PVT1: variants seen among roughly 807,000 people sequenced by gnomAD.
PVT1 encodes Pvt1 oncogene, also known as CXCR4/PVT1 fusion.
At chr8:127,956,456 G>A (rs1286275717) in intron 3 of PVT1, among the ~76,000 whole-genome samples, 1 of 152,232 alleles carries the variant, frequency 6.6e-6, no homozygotes, top group Non-Finnish European at 1.5e-5. Context: ...ACACAGCTCT[G>A]CAGTTTAATT....
rs1180206948 is a variant in PVT1 at position 127,963,569 on chromosome 8, C to T, written n.783-25593C>T. 3.9e-5 allele frequency among the ~76,000 whole-genome samples: 6 copies of T among 152,158 alleles called. No homozygotes were observed. The South Asian group carries it at 1.2e-3, about 32-fold the overall frequency. ...CTTTTCCATAGAAAGGCAGCACCCC[C>T]CACCCCCCTCCACCCTTTTTTTGAA... On this transcript the variant is annotated intron_variant and non_coding_transcript_variant, in intron 3 of 10. Transcript: ENST00000651587.
At chr8:127,982,484 C>A (rs1472242375) in intron 3 of PVT1, among the ~76,000 whole-genome samples, 1 of 152,022 alleles carries the variant, frequency 6.6e-6, no homozygotes, top group East Asian at 1.9e-4. Flanking sequence ...TCACAGGTAA[C>A]TTTGTCAATT....
intron 2 of PVT1, among the ~76,000 whole-genome samples, chr8:127,878,242 CTCT>C (rs1815427834): frequency 6.6e-6 from 1 of 152,010 alleles, no homozygotes; most frequent in South Asian, 2.1e-4. Context: ...GTGTTCATGA[CTCT>C]TCTTCGTCAT....
Position 127,931,781 on chromosome 8 carries a change from C to G in PVT1, n.782+40783C>G, listed in dbSNP as rs6988726. ...GAACTCCCGTCCAGACCTCTGTCCA[C>G]CACCCTAATAAAGCCAGTGTTTACA... On this transcript the variant is annotated intron_variant and non_coding_transcript_variant, in intron 3 of 10. Coordinates refer to ENST00000651587, the Ensembl canonical transcript of PVT1. Among the ~76,000 whole-genome samples the G allele has an allele frequency of 2.5e-3, 388 of 152,380 alleles. 3 individuals carry two copies. The highest frequency in any genetic ancestry group is 9.0e-3 in the African/African-American group (375 of 41,598).
intron 2 of PVT1, among the ~76,000 whole-genome samples, chr8:127,819,264 C>T (rs957343878): frequency 1.3e-5 from 2 of 152,138 alleles, no homozygotes; most frequent in Non-Finnish European, 2.9e-5. Flanking sequence ...AGTGTGAGCC[C>T]CATGTCTGCA....
At chr8:128,013,352 G>A (rs555525248) in intron 4 of PVT1, among the ~76,000 whole-genome samples, 2 of 151,632 alleles carry the variant, frequency 1.3e-5, no homozygotes, top group South Asian at 4.2e-4. Context: ...CTGCATGTGT[G>A]TGAGTGTATA....
intron 5 of PVT1, among the ~76,000 whole-genome samples, chr8:128,094,151 CAG>C (rs1268079174): frequency 2.0e-5 from 3 of 152,156 alleles, no homozygotes; most frequent in East Asian, 1.9e-4. Context: ...TCTTCTAAAA[CAG>C]GGGTCAGCAA....
intron 3 of PVT1, among the ~76,000 whole-genome samples, chr8:127,903,417 C>T (rs146794211): frequency 4.1e-4 from 62 of 152,292 alleles, no homozygotes; most frequent in African/African-American, 1.4e-3. Flanking sequence ...TTTTGCTCTG[C>T]AGAAACTCTT....
intron 3 of PVT1, among the ~76,000 whole-genome samples, chr8:127,921,379 G>A (rs1816055262): frequency 6.6e-6 from 1 of 152,134 alleles, no homozygotes; most frequent in African/African-American, 2.4e-5. Context: ...AAGGTGTTTT[G>A]CAAAATGATT....
At chr8:128,034,565 G>A (rs112154506) in intron 4 of PVT1, among the ~76,000 whole-genome samples, 6 of 152,296 alleles carry the variant, frequency 3.9e-5, no homozygotes, top group Admixed American at 3.3e-4. Context: ...TGTCCTCTGT[G>A]CCCACTACAG....
intron 3 of PVT1, among the ~76,000 whole-genome samples, chr8:127,911,358 C>T (rs1815895533): frequency 6.6e-6 from 1 of 152,226 alleles, no homozygotes; most frequent in Non-Finnish European, 1.5e-5. Flanking sequence ...GGGGAGTGCT[C>T]CTGTGTGCAG....
At chr8:127,813,368 T>C (rs1814623899) in intron 2 of PVT1, among the ~76,000 whole-genome samples, 1 of 151,890 alleles carries the variant, frequency 6.6e-6, no homozygotes, top group South Asian at 2.1e-4. Flanking sequence ...CTTGTAGGTC[T>C]CTTACCCAGT....
At chr8:128,075,765 C>G (rs1425838339) in intron 5 of PVT1, among the ~76,000 whole-genome samples, 2 of 152,158 alleles carry the variant, frequency 1.3e-5, no homozygotes, top group African/African-American at 4.8e-5. Flanking sequence ...CCACTCTATT[C>G]TTTTTAACTG....
intron 2 of PVT1, among the ~76,000 whole-genome samples, chr8:127,796,623 C>T (rs1273601018): frequency 6.6e-6 from 1 of 152,120 alleles, no homozygotes; most frequent in African/African-American, 2.4e-5. Flanking sequence ...TATAAGACAC[C>T]CTGTTCTTTC....
intron 2 of PVT1, among the ~76,000 whole-genome samples, chr8:127,876,440 T>A (rs1815406176): frequency 6.6e-6 from 1 of 151,970 alleles, no homozygotes; most frequent in African/African-American, 2.4e-5. Flanking sequence ...ATTTTATTTT[T>A]ATTTTATTAG....
At chr8:127,811,542 C>A (rs1814594718) in intron 2 of PVT1, among the ~76,000 whole-genome samples, 1 of 152,180 alleles carries the variant, frequency 6.6e-6, no homozygotes, top group Non-Finnish European at 1.5e-5. Context: ...CACCTCCCTG[C>A]TCACAGGGTG....
intron 5 of PVT1, among the ~76,000 whole-genome samples, chr8:128,091,711 A>C (rs1294672933): frequency 6.6e-6 from 1 of 152,234 alleles, no homozygotes; most frequent in African/African-American, 2.4e-5. Context: ...TATCAGGATA[A>C]TATACAGTAT....
At chr8:127,870,156 G>A (rs1390013394) in intron 2 of PVT1, among the ~76,000 whole-genome samples, 1 of 152,198 alleles carries the variant, frequency 6.6e-6, no homozygotes, top group Non-Finnish European at 1.5e-5. Context: ...TATTGGATTA[G>A]GGTGGGGGCT....
intron 4 of PVT1, among the ~76,000 whole-genome samples, chr8:128,006,142 TAATAATAAA>T (rs1279979825): frequency 1.5e-5 from 2 of 133,078 alleles, no homozygotes; most frequent in African/African-American, 6.6e-5. Context: ...ATAATAATAA[TAATAATAAA>T]AAGATAAGGG....
Sources: gnomAD v4.1 joint callset for allele counts (sites outside exome capture counted in the v4.1 genomes callset) on GRCh38, gnomAD v4.1.1 for gene constraint, MANE v1.5 for transcripts, NCBI Gene and HGNC (gene_info 2026-07-23, HGNC 2026-07-21) for gene names.